The following PAK1 variants were observed in gnomAD, a reference collection of about 807,000 sequenced individuals.
PAK1 encodes the protein p21 (RAC1) activated kinase 1.
PAK1 carries 29 observed loss-of-function variants against 67.4 expected under a neutral mutation model. The observed-to-expected ratio is 0.43, with a 90% confidence interval of 0.32 to 0.59. PAK1 has a LOEUF of 0.59. Ranked by LOEUF, PAK1 falls within the 20% of genes least tolerant of loss-of-function variation. PAK1 has a pLI of 0.07. For synonymous variants in PAK1, 223 were observed against 237.4 expected, an observed-to-expected ratio of 0.94 and a Z score of 0.56; for missense variants, 337 against 670.7, an observed-to-expected ratio of 0.50 and a Z score of 5.50.
At chr11:77,391,702 A>T (rs1247721573) in intron 2 of PAK1, among the ~76,000 whole-genome samples, 1 of 152,228 alleles carries the variant, frequency 6.6e-6, no homozygotes, top group African/African-American at 2.4e-5. Flanking sequence ...ATACACTATT[A>T]AATCAACAGT....
chr11:77,499,082 C>T, the PAK1 span, among the ~76,000 whole-genome samples: 2 of 150,430 alleles, frequency 1.3e-5, no homozygotes, highest in African/African-American at 2.5e-5. Flanking sequence ...ATTTACCAAA[C>T]TTGGCAGAAG....
chr11:77,511,236 C>A, the PAK1 span, among the ~76,000 whole-genome samples: 1 of 152,164 alleles, frequency 6.6e-6, no homozygotes. Context: ...AAGGCTTCAG[C>A]TTTATAGCTC....
At chr11:77,377,185 G>C (rs1300551137) in intron 4 of PAK1, among the ~76,000 whole-genome samples, 1 of 152,102 alleles carries the variant, frequency 6.6e-6, no homozygotes, top group East Asian at 1.9e-4. Context: ...TGAGGCAGGA[G>C]AATCACCTGA....
intron 5 of PAK1, among the ~76,000 whole-genome samples, chr11:77,364,679 G>A (rs549130031): frequency 2.0e-5 from 3 of 152,170 alleles, no homozygotes; most frequent in South Asian, 4.2e-4. Context: ...AGGAAAGCAC[G>A]ACCTAGGGGG....
intron 13 of PAK1, among the ~76,000 whole-genome samples, chr11:77,333,194 CTTTTTTTTT>C (rs886805892): frequency 7.9e-6 from 1 of 127,154 alleles, no homozygotes; most frequent in African/African-American, 2.9e-5. Flanking sequence ...TCTTCTTCTT[CTTTTTTTTT>C]TTTTTTTTTT....
intron 2 of PAK1, 73 bp from the exon 3 acceptor site, chr11:77,380,067 T>A: frequency 2.6e-6 from 3 of 1,132,424 alleles, no homozygotes; most frequent in Non-Finnish European, 3.9e-6. Context: ...TAGCTCTTTA[T>A]TGAGCTGTAG....
chr11:77,435,750 C>T (rs894131357), intron 1 of PAK1, among the ~76,000 whole-genome samples: 3 of 149,228 alleles, frequency 2.0e-5, no homozygotes, highest in African/African-American at 7.5e-5. Flanking sequence ...CCTCGTGATC[C>T]GCCTGCCTCG....
the PAK1 span, among the ~76,000 whole-genome samples, chr11:77,483,650 A>T: frequency 6.6e-6 from 1 of 152,362 alleles, no homozygotes; most frequent in South Asian, 2.1e-4. Context: ...TAGATTTATT[A>T]AAAATCACTG....
At chr11:77,452,798 G>A (rs1474088636) in intron 1 of PAK1, among the ~76,000 whole-genome samples, 1 of 152,180 alleles carries the variant, frequency 6.6e-6, no homozygotes, top group African/African-American at 2.4e-5. Context: ...AACAAGCCAA[G>A]TAGGAGTAAA....
intron 1 of PAK1, among the ~76,000 whole-genome samples, chr11:77,469,513 C>G (rs1227848255): frequency 6.6e-6 from 1 of 152,166 alleles, no homozygotes; most frequent in South Asian, 2.1e-4. Flanking sequence ...GTCGTAGCAA[C>G]TATTACTATC....
intron 5 of PAK1, among the ~76,000 whole-genome samples, chr11:77,362,887 C>T (rs981011465): frequency 6.6e-6 from 1 of 152,054 alleles, no homozygotes; most frequent in African/African-American, 2.4e-5. Context: ...GCCAAAATGG[C>T]GAAGAACTGT....
the PAK1 span, among the ~76,000 whole-genome samples, chr11:77,507,013 C>T: frequency 2.7e-4 from 41 of 152,268 alleles, 2 homozygotes; most frequent in South Asian, 2.1e-3. Flanking sequence ...AAGAACAATA[C>T]CTGGCATAAG....
At chr11:77,354,388 T>C (rs1444713793) in intron 7 of PAK1, among the ~76,000 whole-genome samples, 3 of 152,086 alleles carry the variant, frequency 2.0e-5, no homozygotes, top group Non-Finnish European at 2.9e-5. Context: ...ATTACCTCAT[T>C]TGATTTGCAA....
At chr11:77,435,108 T>G (rs1956055388) in intron 1 of PAK1, among the ~76,000 whole-genome samples, 1 of 87,698 alleles carries the variant, frequency 1.1e-5, no homozygotes, top group Non-Finnish European at 2.4e-5. Flanking sequence ...TGTACAACCC[T>G]GTGAATATAC....
At chr11:77,323,469 G>T in intron 14 of PAK1, 109 bp from the exon 15 acceptor site, 1 of 760,430 alleles carries the variant, frequency 1.3e-6, no homozygotes, top group Non-Finnish European at 2.3e-6. Flanking sequence ...TGTGTGGAAA[G>T]CTTCTGATCA....
chr11:77,324,318 G>T (rs540858249), intron 14 of PAK1, among the ~76,000 whole-genome samples: 3 of 151,608 alleles, frequency 2.0e-5, no homozygotes, highest in African/African-American at 4.8e-5. Flanking sequence ...GACTACAGGC[G>T]CCCGCCACCA....
At chr11:77,361,110 T>G (rs1485182906) in intron 5 of PAK1, among the ~76,000 whole-genome samples, 1 of 152,214 alleles carries the variant, frequency 6.6e-6, no homozygotes, top group East Asian at 1.9e-4. Flanking sequence ...CCTGGTTCTA[T>G]GACTTACATT....
chr11:77,341,180 C>A (rs1361782327), intron 10 of PAK1, among the ~76,000 whole-genome samples: 1 of 152,096 alleles, frequency 6.6e-6, no homozygotes, highest in African/African-American at 2.4e-5. Flanking sequence ...GCTACTAAAC[C>A]TCCCAGAGAG....
At chr11:77,479,371 A>G (rs922059972), upstream of PAK1, among the ~76,000 whole-genome samples, 2 of 152,134 alleles carry the variant, frequency 1.3e-5, no homozygotes, top group African/African-American at 4.8e-5. Context: ...CTGTCAGATA[A>G]TGAATATGTG....
Sources: allele counts gnomAD v4.1 joint callset (sites outside exome capture counted in the v4.1 genomes callset), GRCh38; gene constraint gnomAD v4.1.1; transcripts MANE v1.5; gene names NCBI Gene and HGNC (gene_info 2026-07-23, HGNC 2026-07-21).